Variants in GALNTL6 observed in about 807,000 individuals in gnomAD.
GALNTL6 encodes the protein polypeptide N-acetylgalactosaminyltransferase like 6.
Under a neutral mutation model 73.7 loss-of-function variants are expected in GALNTL6, and 46 were observed. The observed-to-expected ratio is 0.62, with a 90% CI of 0.49 to 0.80. GALNTL6 has a LOEUF of 0.80. Ranked by LOEUF, GALNTL6 falls within the 30% of genes least tolerant of loss-of-function variation. The pLI, the probability that GALNTL6 is intolerant of heterozygous loss-of-function variation, is 0.00. For missense variants in GALNTL6, 604 were observed against 755.0 expected, an observed-to-expected ratio of 0.80 and a Z score of 2.34; for synonymous variants, 259 against 263.7, an observed-to-expected ratio of 0.98 and a Z score of 0.17.
intron 2 of GALNTL6, among the ~76,000 whole-genome samples, chr4:171,987,764 C>T (rs1740149808): frequency 6.6e-6 from 1 of 152,068 alleles, no homozygotes; most frequent in African/African-American, 2.4e-5. Flanking sequence ...GGCGATTAGG[C>T]CTGGTGGAAC....
intron 5 of GALNTL6, among the ~76,000 whole-genome samples, chr4:172,718,354 T>A (rs1278973415): frequency 6.6e-6 from 1 of 152,104 alleles, no homozygotes; most frequent in Admixed American, 6.6e-5. Context: ...CATCTGGGCC[T>A]GGTACAGTGG....
chr4:173,005,518 G>C (rs1454330476), intron 10 of GALNTL6, among the ~76,000 whole-genome samples: 2 of 46,832 alleles, frequency 4.3e-5, no homozygotes. Flanking sequence ...AAGTGTTCTT[G>C]TCTACATTTA....
intron 5 of GALNTL6, among the ~76,000 whole-genome samples, chr4:172,550,740 G>A (rs1380814212): frequency 6.6e-6 from 1 of 151,964 alleles, no homozygotes; most frequent in Non-Finnish European, 1.5e-5. Flanking sequence ...CAGCACTACG[G>A]GTGTGCATCA....
At chr4:172,594,171 C>T (rs868363635) in intron 5 of GALNTL6, among the ~76,000 whole-genome samples, 1 of 151,866 alleles carries the variant, frequency 6.6e-6, no homozygotes, top group Non-Finnish European at 1.5e-5. Flanking sequence ...ATGGTGAAAC[C>T]CCATCTCTAC....
chr4:172,159,342 C>T (rs1335304861), intron 2 of GALNTL6, among the ~76,000 whole-genome samples: 1 of 152,060 alleles, frequency 6.6e-6, no homozygotes, highest in South Asian at 2.1e-4. Context: ...TGAGGACATG[C>T]AGATATGTAA....
chr4:172,407,757 A>G (rs972829984), intron 5 of GALNTL6, among the ~76,000 whole-genome samples: 2 of 152,040 alleles, frequency 1.3e-5, no homozygotes, highest in Non-Finnish European at 2.9e-5. Flanking sequence ...ATTAAAACAC[A>G]TACCGGTTTT....
At chr4:172,887,246 T>C (rs892179153) in intron 8 of GALNTL6, among the ~76,000 whole-genome samples, 1 of 152,208 alleles carries the variant, frequency 6.6e-6, no homozygotes, top group African/African-American at 2.4e-5. Context: ...GATGGGCACA[T>C]AGGTTGATTC....
intron 10 of GALNTL6, among the ~76,000 whole-genome samples, chr4:173,004,502 T>G (rs1200561599): frequency 6.6e-6 from 1 of 152,072 alleles, no homozygotes; most frequent in Non-Finnish European, 1.5e-5. Flanking sequence ...GGTGCATGAT[T>G]GTAATCCCAG....
At position 172,226,849 on chromosome 4, in the gene GALNTL6, G is replaced by A. The variant is rs1503686; in HGVS notation, c.139-2807G>A. On this transcript the variant is annotated intron_variant, in intron 2 of 12. Transcript: ENST00000506823. ...CCTGATATCACATTTTTACATTTCA[G>A]GAACTCTCTCTGATTCTCTAAATGC... 1.4e-3 allele frequency among the ~76,000 whole-genome samples: 217 copies of A among 151,974 alleles called. 1 individual carries two copies. The highest frequency in any genetic ancestry group is 4.9e-3 in the African/African-American group (201 of 41,430).
Position 172,893,729 on chromosome 4 carries a change from G to C in GALNTL6, c.1041+10822G>C, listed in dbSNP as rs374165496. Among the ~76,000 whole-genome samples, 23 of 152,334 alleles carry C rather than the reference G, an allele frequency of 1.5e-4. No homozygotes were observed. The East Asian group carries it at 4.4e-3, about 29-fold the overall frequency. On this transcript the variant is annotated intron_variant, in intron 8 of 12. Transcript: ENST00000506823. ...ACTCAGAACAAGATGGAGAGCCTGG[G>C]GGGAAGGGTACCTATGGTCACATTT... is the stretch of plus-strand genomic sequence containing the variant.
At position 172,233,746 on chromosome 4, in the gene GALNTL6, A is replaced by C. The variant is rs552863816; in HGVS notation, c.247+3982A>C. ...CTCTTCTTTTTGTTGTCATTCTTAC[A>C]TTGTACTCTTCCTTAAAATTTTGTA... On this transcript the variant is annotated intron_variant, in intron 3 of 12. Coordinates refer to ENST00000506823, the MANE Select transcript of GALNTL6 (RefSeq NM_001034845.3). 1.1e-4 allele frequency among the ~76,000 whole-genome samples: 17 copies of C among 152,178 alleles called. No homozygotes were observed. In the East Asian group the frequency reaches 3.3e-3, roughly 29 times the overall value.
At chr4:172,807,624 C>T (rs1741040110) in intron 5 of GALNTL6, among the ~76,000 whole-genome samples, 1 of 152,196 alleles carries the variant, frequency 6.6e-6, no homozygotes, top group African/African-American at 2.4e-5. Context: ...CTTCAGGAGT[C>T]TGCATGACCT....
At chr4:172,830,436 A>T (rs1186438067) in intron 7 of GALNTL6, among the ~76,000 whole-genome samples, 1 of 9,706 alleles carries the variant, frequency 1.0e-4, no homozygotes, top group East Asian at 0.25. Flanking sequence ...TGTTTGTGTT[A>T]TACTGCCACT....
chr4:172,379,532 G>A (rs1468523609), intron 5 of GALNTL6, among the ~76,000 whole-genome samples: 4 of 17,770 alleles, frequency 2.3e-4, no homozygotes, highest in Admixed American at 1.2e-3. Context: ...GCGAGACTCC[G>A]TCTCAAAAAA....
chr4:172,200,079 T>A (rs142872594), intron 2 of GALNTL6, among the ~76,000 whole-genome samples: 1 of 152,172 alleles, frequency 6.6e-6, no homozygotes, highest in Non-Finnish European at 1.5e-5. Flanking sequence ...ATGCAATCAC[T>A]AGCTATTTAT....
chr4:173,035,379 T>C (rs576665817), intron 12 of GALNTL6, among the ~76,000 whole-genome samples: 32 of 137,034 alleles, frequency 2.3e-4, no homozygotes, highest in African/African-American at 8.8e-4. Context: ...GATTTCCCCA[T>C]GTTGCTCAGG....
chr4:171,956,826 A>G (rs531374124), intron 2 of GALNTL6, among the ~76,000 whole-genome samples: 3 of 152,000 alleles, frequency 2.0e-5, no homozygotes, highest in Non-Finnish European at 4.4e-5. Flanking sequence ...TCATTCTCTT[A>G]CTTTATGTAG....
At chr4:172,870,773 C>T (rs1579589831) in intron 7 of GALNTL6, among the ~76,000 whole-genome samples, 1 of 152,152 alleles carries the variant, frequency 6.6e-6, no homozygotes, top group Non-Finnish European at 1.5e-5. Flanking sequence ...ACTACAAGTA[C>T]ATGATAAATT....
chr4:172,744,837 G>A (rs961515331), intron 5 of GALNTL6, among the ~76,000 whole-genome samples: 12 of 54,298 alleles, frequency 2.2e-4, no homozygotes, highest in African/African-American at 9.4e-4. Context: ...AAGAGTGCGC[G>A]TGCGTGTGTG....
Sources: gnomAD v4.1 joint callset for allele counts (sites outside exome capture counted in the v4.1 genomes callset) on GRCh38, gnomAD v4.1.1 for gene constraint, MANE v1.5 for transcripts, NCBI Gene and HGNC (gene_info 2026-07-23, HGNC 2026-07-21) for gene names.